Variants in TEK observed in about 807,000 individuals in gnomAD.
The protein encoded by TEK is angiopoietin-1 receptor.
A neutral mutation model predicts 131.8 loss-of-function variants in TEK; 43 were observed. The observed-to-expected ratio is 0.33, with a 90% CI of 0.26 to 0.42. The LOEUF is 0.42. Ranked by LOEUF, TEK falls within the 10% of genes least tolerant of loss-of-function variation. The probability of loss-of-function intolerance (pLI) is 1.00; values close to 1 mark genes in which losing one functional copy is unlikely to be tolerated. For synonymous variants in TEK, 580 were observed against 491.6 expected, an observed-to-expected ratio of 1.18 and a Z score of -2.38; for missense variants, 1,162 against 1,384.4, an observed-to-expected ratio of 0.84 and a Z score of 2.55.
In TEK at chr9:27,180,262, G is replaced by A. The variant is rs1824314299; in HGVS notation, c.924G>A (p.Gly308=). ...CAGCATGCCACCCTGGTTTTTACGG[G>A]CCAGATTGTAAGCTTAGGTGCAGCT... is the stretch of plus-strand genomic sequence containing the variant. ...CNEACHPGFY[G]PDCKLRCSCN... Residue 308 remains glycine (G), a synonymous_variant, in exon 7 of 23, where the codon GGG becomes GGA. Transcript: ENST00000380036. The A allele has an allele frequency of 1.9e-6, 3 of 1,613,758 alleles. No individual in the cohort carries two copies. Among genetic ancestry groups the A allele is most frequent in the African/African-American group, 2.7e-5 (2 of 74,978 alleles).
At chr9:27,213,885 G>A (rs903153365) in intron 18 of TEK, among the ~76,000 whole-genome samples, 13 of 152,310 alleles carry the variant, frequency 8.5e-5, no homozygotes, top group Admixed American at 3.3e-4. Flanking sequence ...AGACCCCAAG[G>A]CATCTCACTC....
At chr9:27,212,003 A>AAG (rs1226751012) in intron 16 of TEK, among the ~76,000 whole-genome samples, 2 of 150,444 alleles carry the variant, frequency 1.3e-5, no homozygotes, top group Admixed American at 6.6e-5. Context: ...TAAAAAAAAA[A>AAG]AGAGAGAGAG....
At chr9:27,186,929 T>C (rs1387383188) in intron 9 of TEK, among the ~76,000 whole-genome samples, 4 of 152,188 alleles carry the variant, frequency 2.6e-5, no homozygotes, top group East Asian at 1.9e-4. Context: ...GAATCCTCCT[T>C]CTTATTATTA....
intron 21 of TEK, among the ~76,000 whole-genome samples, chr9:27,226,367 G>A (rs573995057): frequency 2.6e-5 from 4 of 152,320 alleles, no homozygotes; most frequent in South Asian, 2.1e-4. Flanking sequence ...TAAAGAAAAC[G>A]TGGCACATAT....
At chr9:27,200,539 C>T (rs1051725048) in intron 12 of TEK, among the ~76,000 whole-genome samples, 17 of 151,890 alleles carry the variant, frequency 1.1e-4, no homozygotes, top group Non-Finnish European at 1.6e-4. Context: ...TCAGGAAATC[C>T]GAGGAAGGAG....
chr9:27,205,870 C>A (rs1181958831), intron 14 of TEK, among the ~76,000 whole-genome samples: 2 of 152,176 alleles, frequency 1.3e-5, no homozygotes, highest in East Asian at 3.9e-4. Context: ...AGTTTCCCTT[C>A]CACGGAGGAC....
chr9:27,217,045 G>T (rs1825841995), intron 18 of TEK, among the ~76,000 whole-genome samples: 1 of 152,198 alleles, frequency 6.6e-6, no homozygotes, highest in Non-Finnish European at 1.5e-5. Flanking sequence ...AGTAAAACAA[G>T]ATATGGGGAG....
chr9:27,137,471 AC>A (rs1403612234), intron 1 of TEK, among the ~76,000 whole-genome samples: 6 of 152,180 alleles, frequency 3.9e-5, no homozygotes, highest in Non-Finnish European at 8.8e-5. Flanking sequence ...AAGAATAGAT[AC>A]CTAATTTAAA....
In TEK at chr9:27,173,304, C is replaced by T. The variant is rs1824035364; in HGVS notation, c.843C>T (p.Leu281=). ...QEGCKSYVFC[L]PDPYGCSCAT... The stretch of plus-strand genomic sequence containing the variant: ...GATGCAAGTCTTATGTGTTCTGTCT[C>T]CCTGACCCCTATGGGTGTTCCTGTG... Residue 281 remains leucine, a synonymous_variant, in exon 6 of 23, where the codon CTC becomes CTT. Transcript: ENST00000380036. 9 of 1,614,066 alleles carry T rather than the reference C, an allele frequency of 5.6e-6. No homozygotes were observed. The highest frequency in any genetic ancestry group is 3.3e-5 in the South Asian group (3 of 91,076).
intron 9 of TEK, 30 bp from the exon 10 acceptor site, chr9:27,190,499 G>A (rs767395294): frequency 6.2e-7 from 1 of 1,613,676 alleles, no homozygotes; most frequent in Non-Finnish European, 8.5e-7. Context: ...AAAGCCGAAG[G>A]ACTAATCTGC....
intron 1 of TEK, among the ~76,000 whole-genome samples, chr9:27,146,880 C>T (rs1053159889): frequency 3.9e-5 from 6 of 151,944 alleles, no homozygotes; most frequent in Non-Finnish European, 8.8e-5. Context: ...CAGGTGCCCA[C>T]CACCACGCCC....
intron 2 of TEK, among the ~76,000 whole-genome samples, chr9:27,164,520 T>A (rs1339779019): frequency 6.6e-6 from 1 of 151,982 alleles, no homozygotes; most frequent in Non-Finnish European, 1.5e-5. Context: ...GGAGTTTCAA[T>A]GTGTTAGCCA....
chr9:27,140,411 A>G (rs568591501), intron 1 of TEK, among the ~76,000 whole-genome samples: 1 of 151,444 alleles, frequency 6.6e-6, no homozygotes, highest in African/African-American at 2.4e-5. Flanking sequence ...AAAAAAAAAA[A>G]AAAGAAACAT....
Position 27,206,809 on chromosome 9 carries a change from A to AT in TEK, c.2575+18dup. ...GAATGAAAGGTCAGTGGTTGACCAG[A>AT]TAGAGTCAGCATTGCGTGAGGGTGT... is the stretch of plus-strand genomic sequence containing the variant. On this transcript the variant is annotated intron_variant, in intron 15 of 22. Transcript: ENST00000380036. 6.2e-7 allele frequency: 1 copy of AT among 1,612,248 alleles called. No homozygotes were observed. The highest frequency in any genetic ancestry group is 8.5e-7 in the Non-Finnish European group (1 of 1,179,272).
At chr9:27,200,769 T>C (rs911905440) in intron 12 of TEK, among the ~76,000 whole-genome samples, 10 of 152,320 alleles carry the variant, frequency 6.6e-5, no homozygotes, top group Non-Finnish European at 1.3e-4. Context: ...ATGTGTGTTA[T>C]GTTTTCCTGT....
chr9:27,138,957 C>A (rs933851886), intron 1 of TEK, among the ~76,000 whole-genome samples: 2 of 152,008 alleles, frequency 1.3e-5, no homozygotes, highest in African/African-American at 4.8e-5. Context: ...AGCCTGTAAT[C>A]CCAGCACTTT....
intron 16 of TEK, among the ~76,000 whole-genome samples, chr9:27,211,315 G>A (rs536296125): frequency 5.5e-4 from 82 of 149,312 alleles, no homozygotes; most frequent in Middle Eastern, 3.6e-3. Flanking sequence ...ATTCAGTAAA[G>A]ATGTGAGAAA....
At chr9:27,229,025 A>G in intron 22 of TEK, 133 bp from the exon 23 acceptor site, 1 of 782,886 alleles carries the variant, frequency 1.3e-6, no homozygotes, top group Non-Finnish European at 2.3e-6. Context: ...GGGACTGAGG[A>G]CAGAAAAGTA....
chr9:27,167,849 G>C (rs1823789646), intron 2 of TEK, among the ~76,000 whole-genome samples: 1 of 148,616 alleles, frequency 6.7e-6, no homozygotes, highest in South Asian at 2.3e-4. Context: ...GGGAAACTCA[G>C]ATTTCATTCA....
Sources: gnomAD v4.1 joint callset for allele counts (sites outside exome capture counted in the v4.1 genomes callset) on GRCh38, gnomAD v4.1.1 for gene constraint, MANE v1.5 for transcripts, NCBI Gene and HGNC (gene_info 2026-07-23, HGNC 2026-07-21) for gene names.